DEF6: variants seen among roughly 807,000 people sequenced by gnomAD.
The protein encoded by DEF6 is differentially expressed in FDCP 6 homolog.
A neutral mutation model predicts 80.5 loss-of-function variants in DEF6; 32 were observed. The observed-to-expected ratio is 0.40, with a 90% CI of 0.30 to 0.53. The LOEUF (loss-of-function observed/expected upper bound fraction) is 0.53. Among genes scored for constraint, DEF6 ranks in the 20% least tolerant of loss-of-function variants. The pLI, the probability that DEF6 is intolerant of heterozygous loss-of-function variation, is 0.57. For synonymous variants in DEF6, 300 were observed against 337.9 expected (o/e 0.89, Z 1.23); for missense variants, 575 against 818.7 (o/e 0.70, Z 3.63).
intron 5 of DEF6, among the ~76,000 whole-genome samples, chr6:35,315,302 T>C (rs1020987162): frequency 4.6e-5 from 7 of 152,170 alleles, no homozygotes; most frequent in African/African-American, 1.4e-4. Context: ...GGGATCCTCC[T>C]GCTTCAGCCT....
intron 1 of DEF6, among the ~76,000 whole-genome samples, chr6:35,307,289 C>T (rs752972941): frequency 7.9e-5 from 12 of 152,230 alleles, no homozygotes; most frequent in Non-Finnish European, 1.5e-4. Context: ...ATCCCAGCTA[C>T]TCAGGAGGCT....
rs369891491 is a variant in DEF6, at chr6:35,318,499, G to T, written c.1215+28G>T. 7.3e-6 allele frequency: 10 copies of T among 1,369,730 alleles called. No homozygotes were observed. The highest frequency in any genetic ancestry group is 3.0e-5 in the East Asian group (1 of 32,948). 84.8% of individuals were successfully genotyped at this position (1,369,730 alleles called of 1,614,324 possible). A position where few individuals can be genotyped will look rare whatever the true frequency, so the allele number is the denominator to read the frequency against. On this transcript the variant is annotated intron_variant, in intron 7 of 10. Transcript: ENST00000316637. This position sits in a 1 kb window ranked among gnomAD's most constrained non-coding sequence, Gnocchi z 5.1. The stretch of plus-strand genomic sequence containing the variant: ...GGGGTTAGCTCCCGGCGCCGGGGAC[G>T]GGACCGGTGGGCTGGGAGGCTGGCC...
At chr6:35,311,815 C>A (rs1442997537) in intron 3 of DEF6, among the ~76,000 whole-genome samples, 2 of 152,204 alleles carry the variant, frequency 1.3e-5, no homozygotes, top group African/African-American at 4.8e-5. Context: ...GAAAGATCCC[C>A]AGGGTTGGGG....
chr6:35,315,918 G>T (rs996336184), intron 5 of DEF6, among the ~76,000 whole-genome samples: 2 of 146,234 alleles, frequency 1.4e-5, no homozygotes, highest in Non-Finnish European at 3.0e-5. Context: ...GAGTGCAATG[G>T]CACGATCTCA....
rs138942316 is a variant in DEF6 at position 35,319,497 on chromosome 6, T to A, written c.1216-27T>A. The A allele has an allele frequency of 6.6e-6, 10 of 1,505,220 alleles. No individual in the cohort carries two copies. Among genetic ancestry groups the A allele is most frequent in the Non-Finnish European group, 9.0e-6 (10 of 1,116,148 alleles). 93.2% of individuals were successfully genotyped at this position (1,505,220 alleles called of 1,614,324 possible). A position where few individuals can be genotyped will look rare whatever the true frequency, so the allele number is the denominator to read the frequency against. On this transcript the variant is annotated intron_variant, in intron 7 of 10. Transcript: ENST00000316637. This position sits in a 1 kb window ranked among gnomAD's most constrained non-coding sequence, Gnocchi z 4.5. ...CCACGTGCCCCTTTTGACCTGGCTC[T>A]TGGTCCACCACCTCCCCCCTCCACA... is the stretch of plus-strand genomic sequence containing the variant.
intron 1 of DEF6, among the ~76,000 whole-genome samples, chr6:35,308,775 TTAAA>T (rs1791426816): frequency 6.6e-6 from 1 of 151,306 alleles, no homozygotes; most frequent in Admixed American, 6.6e-5. Context: ...ACAGTTTTAA[TTAAA>T]TAAACCACCT....
At position 35,297,837 on chromosome 6, in the gene DEF6, G is replaced by C. The variant is rs746685040; in HGVS notation, c.-20G>C. On this transcript the variant is annotated 5_prime_UTR_variant, in exon 1 of 11. Coordinates refer to ENST00000316637, the MANE Select transcript of DEF6 (RefSeq NM_022047.4). ...GATCTTAGTGTCAGAGCCGCCCCCA[G>C]CCGGGCGGGCGCCTCAGCCATGGCC... 6.3e-7 allele frequency: 1 copy of C among 1,574,826 alleles called. No individual in the cohort carries two copies. Among genetic ancestry groups the C allele is most frequent in the Non-Finnish European group, 8.6e-7 (1 of 1,160,258 alleles).
Position 35,312,856 on chromosome 6 carries a change from G to A in DEF6, c.807+84G>A, listed in dbSNP as rs1791485668. On this transcript the variant is annotated intron_variant, in intron 5 of 10. Transcript: ENST00000316637. The surrounding 1 kb of genome is among the most constrained non-coding windows in gnomAD (Gnocchi z 6.6). Reference sequence around the variant, plus strand: ...GAGAAGACAAGGGGGTCAGGAGAGGGGCAAATGGAGAAAAGCCACAGTGAC... The same window carrying A: ...GAGAAGACAAGGGGGTCAGGAGAGGAGCAAATGGAGAAAAGCCACAGTGAC... The A allele has an allele frequency of 2.1e-6, 3 of 1,458,744 alleles. No individual in the cohort carries two copies. Among genetic ancestry groups the A allele is most frequent in the Non-Finnish European group, 1.9e-6 (2 of 1,076,034 alleles). 90.4% of individuals were successfully genotyped at this position (1,458,744 alleles called of 1,614,324 possible).
chr6:35,310,791 C>A, intron 3 of DEF6, 147 bp downstream of exon 3: 3 of 875,264 alleles, frequency 3.4e-6, no homozygotes, highest in Non-Finnish European at 5.2e-6. Flanking sequence ...CCTCACCCAG[C>A]TGTCTCCAGA....
chr6:35,311,663 G>A (rs1175565046), intron 3 of DEF6, among the ~76,000 whole-genome samples: 1 of 152,170 alleles, frequency 6.6e-6, no homozygotes, highest in African/African-American at 2.4e-5. Context: ...TCAACATACA[G>A]AGTTAACAAC....
In DEF6 at chr6:35,305,133, A is replaced by G. The variant is rs148839766; in HGVS notation, c.97-4537A>G. On this transcript the variant is annotated intron_variant, in intron 1 of 10. Coordinates refer to ENST00000316637, the MANE Select transcript of DEF6 (RefSeq NM_022047.4). ...GGCAATATAATGGGAACTCATCTCT[A>G]TGAAAAAAAAGAATTTTTTTTTTTT... Among the ~76,000 whole-genome samples, 630 of 147,164 alleles carry G rather than the reference A, an allele frequency of 4.3e-3. 6 individuals carry two copies. Among genetic ancestry groups the G allele is most frequent in the African/African-American group, 0.015 (605 of 40,094 alleles).
intron 1 of DEF6, among the ~76,000 whole-genome samples, chr6:35,301,784 T>A (rs1308025815): frequency 1.3e-5 from 2 of 148,414 alleles, no homozygotes; most frequent in Non-Finnish European, 1.5e-5. Context: ...TGGAGTATAG[T>A]GGTGCAATCT....
intron 1 of DEF6, among the ~76,000 whole-genome samples, chr6:35,306,770 G>A (rs1791396308): frequency 6.6e-6 from 1 of 152,156 alleles, no homozygotes; most frequent in African/African-American, 2.4e-5. Context: ...ATCTTTCAAT[G>A]TCTGTTCATA....
rs185830856 is a variant in DEF6 at position 35,312,271 on chromosome 6, C to T, written c.424-31C>T. 8.2e-6 allele frequency: 13 copies of T among 1,594,136 alleles called. No homozygotes were observed. In the Admixed American group the frequency reaches 1.8e-4, roughly 23 times the overall value. On this transcript the variant is annotated intron_variant, in intron 3 of 10. Coordinates refer to ENST00000316637, the MANE Select transcript of DEF6 (RefSeq NM_022047.4). The surrounding 1 kb of genome is among the most constrained non-coding windows in gnomAD (Gnocchi z 6.6). ...TTGGTGCTGGCAACACCACCTGCTG[C>T]AGCTACCAGGCCTTCCTTCTCCTGC...
intron 1 of DEF6, among the ~76,000 whole-genome samples, chr6:35,303,826 G>A (rs537334016): frequency 3.3e-5 from 5 of 151,838 alleles, no homozygotes; most frequent in African/African-American, 9.7e-5. Context: ...GTGAAAGCCC[G>A]TCCCTACAAA....
At chr6:35,313,100 A>G (rs1431375684) in intron 5 of DEF6, among the ~76,000 whole-genome samples, 1 of 152,164 alleles carries the variant, frequency 6.6e-6, no homozygotes, top group African/African-American at 2.4e-5. Flanking sequence ...TTCTTCACCC[A>G]TATTCCATTC....
At position 35,312,376 on chromosome 6, in the gene DEF6, G is replaced by A. The variant is rs557782882; in HGVS notation, c.498G>A (p.Leu166=). The A allele has an allele frequency of 1.2e-6, 2 of 1,614,154 alleles. No individual in the cohort carries two copies. The highest frequency in any genetic ancestry group is 2.7e-5 in the African/African-American group (2 of 75,052). The change falls in exon 4 of 11, where the codon CTG becomes CTA. Residue 166 remains leucine, a synonymous_variant. Transcript: ENST00000316637. This position sits in a 1 kb window ranked among gnomAD's most constrained non-coding sequence, Gnocchi z 6.6. Reference sequence around the variant, plus strand: ...GCTTGGGTGAGCTGGAGGAGCTTCTGGCCCAGGAGGCCCAGGTGGCCCAGA... The same window carrying A: ...GCTTGGGTGAGCTGGAGGAGCTTCTAGCCCAGGAGGCCCAGGTGGCCCAGA... ...EVSLGELEEL[L]AQEAQVAQTT... is the part of the protein sequence containing the mutation.
At chr6:35,305,656 C>T (rs569374814) in intron 1 of DEF6, among the ~76,000 whole-genome samples, 7 of 151,936 alleles carry the variant, frequency 4.6e-5, no homozygotes, top group East Asian at 3.9e-4. Flanking sequence ...TCACCTCAAC[C>T]GCCACCTCCC....
At chr6:35,299,862 G>T (rs1316682301) in intron 1 of DEF6, among the ~76,000 whole-genome samples, 1 of 152,178 alleles carries the variant, frequency 6.6e-6, no homozygotes, top group Non-Finnish European at 1.5e-5. Context: ...GGAGGAAGTA[G>T]TGATAGTGTT....
Sources: gnomAD v4.1 joint callset for allele counts (sites outside exome capture counted in the v4.1 genomes callset) on GRCh38, gnomAD v4.1.1 for gene constraint, Gnocchi (gnomAD v3.1) non-coding constraint, MANE v1.5 for transcripts, NCBI Gene and HGNC (gene_info 2026-07-23, HGNC 2026-07-21) for gene names.